RNF130: variants seen among roughly 807,000 people sequenced by gnomAD.
RNF130 encodes ring finger protein 130.
Under a neutral mutation model 44.6 loss-of-function variants are expected in RNF130, and 21 were observed. The observed-to-expected ratio is 0.47, with a 90% CI of 0.33 to 0.68. RNF130 has a LOEUF of 0.68. RNF130 is among the 30% of genes least tolerant of loss of function. The pLI, the probability that RNF130 is intolerant of heterozygous loss-of-function variation, is 0.02. For synonymous variants in RNF130, 214 were observed against 210.4 expected (o/e 1.02, Z -0.15); for missense variants, 479 against 560.6 (o/e 0.85, Z 1.47).
chr5:180,036,371 C>G (rs984180699), intron 2 of RNF130, among the ~76,000 whole-genome samples: 2 of 152,192 alleles, frequency 1.3e-5, no homozygotes, highest in Non-Finnish European at 2.9e-5. Flanking sequence ...TAGCCCACCT[C>G]TGTGAAGTCA....
intron 3 of RNF130, among the ~76,000 whole-genome samples, chr5:179,993,582 T>C (rs577487097): frequency 6.6e-6 from 1 of 152,358 alleles, no homozygotes; most frequent in African/African-American, 2.4e-5. Context: ...TTTGATTTTT[T>C]TCTTGCAAAT....
intron 4 of RNF130, among the ~76,000 whole-genome samples, chr5:179,978,575 A>G (rs1421801192): frequency 6.6e-6 from 1 of 152,176 alleles, no homozygotes; most frequent in Non-Finnish European, 1.5e-5. Context: ...ATCAGCTTGG[A>G]CCATCATGAT....
At chr5:179,933,933 A>AT in intron 7 of RNF130, 2 of 523,518 alleles carry the variant, frequency 3.8e-6, no homozygotes, top group East Asian at 4.3e-5. Flanking sequence ...CTGTTCTGCC[A>AT]TTTTTTCTAG....
At chr5:180,011,540 C>T (rs1414862557) in intron 3 of RNF130, among the ~76,000 whole-genome samples, 1 of 152,128 alleles carries the variant, frequency 6.6e-6, no homozygotes, top group Non-Finnish European at 1.5e-5. Flanking sequence ...CCAAGGTGGG[C>T]GGATCCTTTG....
At chr5:179,944,742 G>C (rs1421338488) in intron 7 of RNF130, among the ~76,000 whole-genome samples, 2 of 150,964 alleles carry the variant, frequency 1.3e-5, no homozygotes, top group African/African-American at 2.5e-5. Flanking sequence ...GGGTGATAAA[G>C]TGAGACCCTG....
intron 5 of RNF130, among the ~76,000 whole-genome samples, chr5:179,974,911 G>C (rs1347764661): frequency 6.6e-6 from 1 of 152,256 alleles, no homozygotes; most frequent in Non-Finnish European, 1.5e-5. Flanking sequence ...AGCACGCTGA[G>C]GGAATTAAAC....
intron 3 of RNF130, among the ~76,000 whole-genome samples, chr5:180,002,714 A>G (rs1763371398): frequency 6.6e-6 from 1 of 152,106 alleles, no homozygotes; most frequent in Admixed American, 6.5e-5. Context: ...GGGACAGTGG[A>G]GGCCCAGTGT....
intron 3 of RNF130, among the ~76,000 whole-genome samples, chr5:179,993,561 T>G (rs1047465065): frequency 5.3e-5 from 8 of 151,430 alleles, no homozygotes; most frequent in Admixed American, 5.2e-4. Context: ...GCCCACTTTT[T>G]GATGGGGTTG....
intron 1 of RNF130, among the ~76,000 whole-genome samples, chr5:180,065,289 G>A (rs1034473342): frequency 4.6e-5 from 7 of 151,944 alleles, no homozygotes; most frequent in Non-Finnish European, 7.4e-5. Context: ...TTATCTAATC[G>A]ATATAACACA....
intron 7 of RNF130, among the ~76,000 whole-genome samples, chr5:179,945,798 A>G (rs1028088686): frequency 1.3e-5 from 2 of 152,178 alleles, no homozygotes; most frequent in African/African-American, 2.4e-5. Flanking sequence ...AAACTCTGTC[A>G]TCTGTCCTGG....
intron 2 of RNF130, among the ~76,000 whole-genome samples, chr5:180,031,579 T>C (rs116437228): frequency 0.033 from 5,042 of 152,308 alleles, 120 homozygotes; most frequent in Middle Eastern, 0.054. Context: ...CTTCTCACTG[T>C]TCAAGGGCCA....
intron 5 of RNF130, chr5:179,976,773 G>A (rs1047762442): frequency 6.6e-5 from 10 of 151,658 alleles, no homozygotes; most frequent in Non-Finnish European, 1.5e-4. Context: ...GTAGCCTCAT[G>A]GAGATAACAA....
intron 7 of RNF130, among the ~76,000 whole-genome samples, chr5:179,923,994 T>G (rs922162975): frequency 2.0e-5 from 3 of 152,220 alleles, no homozygotes; most frequent in Admixed American, 6.5e-5. Context: ...GCTCATGAGC[T>G]GCAGGGCAAC....
intron 3 of RNF130, among the ~76,000 whole-genome samples, chr5:179,988,770 T>A (rs1314100440): frequency 6.6e-6 from 1 of 152,244 alleles, no homozygotes; most frequent in African/African-American, 2.4e-5. Context: ...TTTCTATTTT[T>A]AAAAATTTGT....
intron 7 of RNF130, 99 bp from the exon 8 acceptor site, chr5:179,963,663 G>A (rs1733066091): frequency 2.3e-6 from 2 of 855,146 alleles, no homozygotes; most frequent in African/African-American, 3.4e-5. Flanking sequence ...GACGTCAACG[G>A]AGGTGTAAGC....
At chr5:179,949,757 T>C (rs1364781832) in intron 7 of RNF130, among the ~76,000 whole-genome samples, 1 of 152,224 alleles carries the variant, frequency 6.6e-6, no homozygotes, top group Non-Finnish European at 1.5e-5. Flanking sequence ...CTCTGCAGCC[T>C]GCGTCGCTTG....
chr5:179,967,001 G>C lies in RNF130; in HGVS notation c.955C>G (p.Pro319Ala). The stretch of plus-strand genomic sequence containing the variant: ...TCGAATGCTACGTTATCAGTACATG[G>C]CAAATTCGGCTGCAAAATATTTCCA... ...LKALGIVPNL[P>A]CTDNVAFDME... Residue 319 changes from proline (P) to alanine (A), a missense_variant, in exon 7 of 9, where the codon CCA (proline) becomes GCA (alanine). By Grantham distance (27) the Pro-to-Ala change is conservative. This residue lies in a region of RNF130 where 161 missense variants were observed against 158.6 expected (regional missense o/e 1.02). Transcript: ENST00000521389. The C allele has an allele frequency of 1.2e-6, 2 of 1,611,630 alleles. No homozygotes were observed. The highest frequency in any genetic ancestry group is 1.7e-6 in the Non-Finnish European group (2 of 1,178,828).
At chr5:179,957,286 C>T (rs1373638349) in intron 8 of RNF130, among the ~76,000 whole-genome samples, 3 of 152,104 alleles carry the variant, frequency 2.0e-5, no homozygotes, top group Non-Finnish European at 4.4e-5. Context: ...CTGGCAGGCG[C>T]CTCTAGTCCC....
At chr5:179,968,720 A>G (rs1423558589) in intron 6 of RNF130, among the ~76,000 whole-genome samples, 1 of 151,868 alleles carries the variant, frequency 6.6e-6, no homozygotes, top group Non-Finnish European at 1.5e-5. Context: ...GCTAGGCATC[A>G]TGGCAGATGC....
Sources: allele counts gnomAD v4.1 joint callset (sites outside exome capture counted in the v4.1 genomes callset), GRCh38; gene constraint gnomAD v4.1.1; regional missense constraint gnomAD v4.1.1; transcripts MANE v1.5; gene names NCBI Gene and HGNC (gene_info 2026-07-23, HGNC 2026-07-21).